Variants in PTPRM observed in about 807,000 individuals in gnomAD.
PTPRM encodes the protein protein tyrosine phosphatase receptor type M.
PTPRM carries 47 observed loss-of-function variants against 186.7 expected under a neutral mutation model. That is an observed-to-expected ratio of 0.25 (90% CI 0.20 to 0.32). PTPRM has a LOEUF of 0.32. Ranked by LOEUF, PTPRM falls within the 10% of genes least tolerant of loss-of-function variation. PTPRM has a pLI of 1.00. For synonymous variants in PTPRM, 668 were observed against 674.9 expected (o/e 0.99, Z 0.16); for missense variants, 1,494 against 1,865.0 (o/e 0.80, Z 3.66).
At chr18:7,750,411 G>A (rs2041156083) in intron 1 of PTPRM, among the ~76,000 whole-genome samples, 1 of 152,222 alleles carries the variant, frequency 6.6e-6, no homozygotes, top group Admixed American at 6.5e-5. Flanking sequence ...GAAACCACCT[G>A]TGTGCTCACT....
chr18:7,774,807 G>A (rs2042501137), intron 2 of PTPRM, among the ~76,000 whole-genome samples: 1 of 152,234 alleles, frequency 6.6e-6, no homozygotes, highest in African/African-American at 2.4e-5. Flanking sequence ...TGAAAGATGT[G>A]TTCCACTGAA....
intron 2 of PTPRM, among the ~76,000 whole-genome samples, chr18:7,875,371 T>C (rs899794109): frequency 6.6e-6 from 1 of 151,074 alleles, no homozygotes; most frequent in African/African-American, 2.4e-5. Context: ...TTGCCCAGGC[T>C]GGAGTGCAGT....
intron 29 of PTPRM, among the ~76,000 whole-genome samples, chr18:8,382,700 G>C (rs1598525887): frequency 1.3e-5 from 2 of 152,170 alleles, no homozygotes; most frequent in Admixed American, 1.3e-4. Flanking sequence ...AACCTTAACT[G>C]TTCTGTGATG....
chr18:8,185,006 G>A (rs2093623749), intron 14 of PTPRM, among the ~76,000 whole-genome samples: 1 of 152,072 alleles, frequency 6.6e-6, no homozygotes, highest in Non-Finnish European at 1.5e-5. Flanking sequence ...TAACTATCTT[G>A]TTGGTTTTCT....
At chr18:8,141,764 G>A (rs2092772039) in intron 13 of PTPRM, among the ~76,000 whole-genome samples, 1 of 7,366 alleles carries the variant, frequency 1.4e-4, no homozygotes, top group Admixed American at 2.3e-3. Flanking sequence ...TGAGATAAAT[G>A]GAATGGCTTT....
chr18:7,952,275 G>C (rs1369432664), intron 6 of PTPRM, among the ~76,000 whole-genome samples: 1 of 151,784 alleles, frequency 6.6e-6, no homozygotes, highest in Non-Finnish European at 1.5e-5. Context: ...TTAGTTTTAT[G>C]GTGTCCTTTC....
At chr18:7,707,598 A>T (rs2040122298) in intron 1 of PTPRM, among the ~76,000 whole-genome samples, 1 of 152,118 alleles carries the variant, frequency 6.6e-6, no homozygotes, top group Non-Finnish European at 1.5e-5. Context: ...ATGATCATGC[A>T]ACTGTACTCT....
chr18:8,085,312 G>C lies in PTPRM; in HGVS notation c.1552-359G>C, dbSNP rs748662051. Among the ~76,000 whole-genome samples, 3 of 151,712 alleles carry C rather than the reference G, an allele frequency of 2.0e-5. No homozygotes were observed. In the South Asian group the frequency reaches 6.3e-4, roughly 32 times the overall value. On this transcript the variant is annotated intron_variant, in intron 9 of 32. Transcript: ENST00000580170. ...AGATTAAAGATGAGGCCTTATCCTT[G>C]TCAGTATCTTATCTGTTTGAGCTAG...
At chr18:7,923,241 G>C (rs1403261440) in intron 4 of PTPRM, among the ~76,000 whole-genome samples, 1 of 152,188 alleles carries the variant, frequency 6.6e-6, no homozygotes, top group Non-Finnish European at 1.5e-5. Flanking sequence ...GACCTAGCTT[G>C]CTGTAGTAAC....
At chr18:7,592,012 TC>T (rs1174187933) in intron 1 of PTPRM, among the ~76,000 whole-genome samples, 1 of 147,986 alleles carries the variant, frequency 6.8e-6, no homozygotes, top group African/African-American at 2.6e-5. Context: ...GAAGTTTATT[TC>T]CCAGCATTAT....
At chr18:8,037,437 A>G (rs1380689599) in intron 7 of PTPRM, among the ~76,000 whole-genome samples, 1 of 152,202 alleles carries the variant, frequency 6.6e-6, no homozygotes, top group African/African-American at 2.4e-5. Context: ...TTAATGAGAC[A>G]GTATACTGTC....
intron 14 of PTPRM, among the ~76,000 whole-genome samples, chr18:8,224,107 A>G (rs533532976): frequency 6.6e-6 from 1 of 152,334 alleles, no homozygotes; most frequent in Admixed American, 6.5e-5. Flanking sequence ...AGATAAGCAG[A>G]TGGCTTCTTT....
At chr18:8,393,157 A>G (rs1325527096) in intron 31 of PTPRM, among the ~76,000 whole-genome samples, 1 of 152,244 alleles carries the variant, frequency 6.6e-6, no homozygotes, top group Non-Finnish European at 1.5e-5. Context: ...AAAATCTGGC[A>G]GACACCATCT....
At chr18:7,639,998 C>G in intron 1 of PTPRM, among the ~76,000 whole-genome samples, 1 of 152,050 alleles carries the variant, frequency 6.6e-6, no homozygotes, top group East Asian at 1.9e-4. Context: ...AAAGGAAGTG[C>G]ATAACTAGTG....
chr18:7,806,630 G>A (rs1437483516), intron 2 of PTPRM, among the ~76,000 whole-genome samples: 1 of 152,248 alleles, frequency 6.6e-6, no homozygotes, highest in Non-Finnish European at 1.5e-5. Flanking sequence ...GTGCAGTGCA[G>A]TGCTGGGCTG....
intron 7 of PTPRM, among the ~76,000 whole-genome samples, chr18:7,973,784 A>G (rs2054738573): frequency 6.6e-6 from 1 of 152,180 alleles, no homozygotes; most frequent in South Asian, 2.1e-4. Context: ...CAGTCCAAAT[A>G]TATATTAATT....
intron 11 of PTPRM, among the ~76,000 whole-genome samples, chr18:8,092,802 A>G (rs1332517843): frequency 6.6e-6 from 1 of 152,104 alleles, no homozygotes; most frequent in Non-Finnish European, 1.5e-5. Flanking sequence ...CTGTCTCTAC[A>G]AAAAAGAAAA....
intron 1 of PTPRM, among the ~76,000 whole-genome samples, chr18:7,771,149 C>A (rs1470164923): frequency 1.3e-5 from 2 of 152,104 alleles, no homozygotes; most frequent in South Asian, 4.2e-4. Context: ...GTTTTGTAAA[C>A]CGGGTCTGTA....
chr18:7,630,495 G>T (rs535166165), intron 1 of PTPRM, among the ~76,000 whole-genome samples: 1 of 152,276 alleles, frequency 6.6e-6, no homozygotes, highest in African/African-American at 2.4e-5. Context: ...TCTCCTGAGA[G>T]ATGTGGTTAT....
Sources: allele counts gnomAD v4.1 joint callset (sites outside exome capture counted in the v4.1 genomes callset), GRCh38; gene constraint gnomAD v4.1.1; transcripts MANE v1.5; gene names NCBI Gene and HGNC (gene_info 2026-07-23, HGNC 2026-07-21).